ZFYVE28: variants seen among roughly 807,000 people sequenced by gnomAD.
ZFYVE28 encodes the protein zinc finger FYVE-type containing 28.
ZFYVE28 carries 40 observed loss-of-function variants against 82.1 expected under a neutral mutation model. That is an observed-to-expected ratio of 0.49 (90% confidence interval 0.38 to 0.63). The LOEUF is 0.63. Ranked by LOEUF, ZFYVE28 falls within the 30% of genes least tolerant of loss-of-function variation. The pLI, the probability that ZFYVE28 is intolerant of heterozygous loss-of-function variation, is 0.00. For missense variants in ZFYVE28, 1,321 were observed against 1,242.1 expected (o/e 1.06, Z -0.96); for synonymous variants, 612 against 546.1 (o/e 1.12, Z -1.68).
chr4:2,403,707 G>A (rs1305100459), intron 1 of ZFYVE28, among the ~76,000 whole-genome samples: 3 of 152,332 alleles, frequency 2.0e-5, no homozygotes, highest in Admixed American at 1.3e-4. Flanking sequence ...GCTCACGCCT[G>A]TAATCCCAGC....
intron 8 of ZFYVE28, 96 bp downstream of exon 8, chr4:2,304,179 GTGGCCAAGATGGCT>G: frequency 7.1e-7 from 1 of 1,399,770 alleles, no homozygotes; most frequent in Non-Finnish European, 9.5e-7. Flanking sequence ...GCACCTGCCG[GTGGCCAAGATGGCT>G]CAGGTAGAAA....
At chr4:2,414,791 C>A (rs1732867311) in intron 1 of ZFYVE28, among the ~76,000 whole-genome samples, 1 of 152,208 alleles carries the variant, frequency 6.6e-6, no homozygotes, top group Admixed American at 6.5e-5. Flanking sequence ...GAACTTCCAG[C>A]CAGGTCAATC....
At position 2,304,540 on chromosome 4, in the gene ZFYVE28, G is replaced by C. The variant is rs556516212; in HGVS notation, c.1800C>G (p.Ala600=). 2.0e-5 allele frequency: 33 copies of C among 1,612,760 alleles called. 5 individuals are homozygous for C. In the Middle Eastern group the frequency reaches 5.3e-3, roughly 258 times the overall value. The change falls in exon 8 of 13, where the codon GCC becomes GCG. Residue 600 remains alanine (A), a synonymous_variant. Coordinates refer to ENST00000290974, the MANE Select transcript of ZFYVE28 (RefSeq NM_020972.3). ...VIGASYAAGL[A]KASDRAPERQ... Reference sequence around the variant, plus strand: ...TCTCAGGGGCCCTGTCGCTGGCCTTGGCTAAGCCGGCAGCGTACGAGGCAC... The same window carrying C: ...TCTCAGGGGCCCTGTCGCTGGCCTTCGCTAAGCCGGCAGCGTACGAGGCAC...
intron 1 of ZFYVE28, among the ~76,000 whole-genome samples, chr4:2,410,299 G>A (rs1295202718): frequency 1.3e-5 from 2 of 151,970 alleles, no homozygotes; most frequent in East Asian, 3.9e-4. Flanking sequence ...CCTGGCAACC[G>A]CCGATCTGCT....
chr4:2,416,962 C>T lies in ZFYVE28; in HGVS notation c.39+1323G>A, dbSNP rs1578446466. Among the ~76,000 whole-genome samples the T allele has an allele frequency of 6.6e-6, 1 of 152,258 alleles. No individual in the cohort carries two copies. Among genetic ancestry groups the T allele is most frequent in the Non-Finnish European group, 1.5e-5 (1 of 68,044 alleles). ...GGCCCTGAGTGAGCCCTCAAACCTC[C>T]GTGCCGATCTTCCAAACCCACCTCC... On this transcript the variant is annotated intron_variant, in intron 1 of 12. Coordinates refer to ENST00000290974, the MANE Select transcript of ZFYVE28 (RefSeq NM_020972.3). The surrounding 1 kb of genome is among the most constrained non-coding windows in gnomAD (Gnocchi z 4.6).
chr4:2,343,757 C>A (rs1723140521), intron 2 of ZFYVE28, among the ~76,000 whole-genome samples: 2 of 152,016 alleles, frequency 1.3e-5, no homozygotes, highest in Admixed American at 1.3e-4. Context: ...TAGTGCTCAG[C>A]CCAGGTGGCA....
intron 8 of ZFYVE28, among the ~76,000 whole-genome samples, chr4:2,299,134 C>T (rs151119699): frequency 2.6e-5 from 4 of 152,348 alleles, no homozygotes; most frequent in East Asian, 1.9e-4. Flanking sequence ...AAGCCACCAA[C>T]AGACCAGACG....
At chr4:2,354,284 G>A (rs909849466) in intron 1 of ZFYVE28, among the ~76,000 whole-genome samples, 1 of 151,954 alleles carries the variant, frequency 6.6e-6, no homozygotes, top group Admixed American at 6.6e-5. Context: ...CTGATTCAAG[G>A]GTCCCCAGGG....
intron 1 of ZFYVE28, among the ~76,000 whole-genome samples, chr4:2,377,232 A>G (rs562396028): frequency 2.6e-4 from 39 of 152,262 alleles, no homozygotes; most frequent in South Asian, 8.3e-4. Context: ...CGTGTTAGCC[A>G]GGATGGTCTC....
chr4:2,281,061 C>G (rs1383467722), intron 8 of ZFYVE28, among the ~76,000 whole-genome samples: 2 of 152,234 alleles, frequency 1.3e-5, no homozygotes, highest in East Asian at 1.9e-4. Context: ...ACACCCTTCA[C>G]TTGCCACAGG....
At position 2,369,208 on chromosome 4, in the gene ZFYVE28, G is replaced by A. The variant is rs148526940; in HGVS notation, c.40-15135C>T. On this transcript the variant is annotated intron_variant, in intron 1 of 12. Transcript: ENST00000290974. ...CATCTGTGAGTCAAGGGTGTGGAACGCCGCACTCTGTGGACTGACCAGATC... is the reference window on the plus strand; with the variant it reads ...CATCTGTGAGTCAAGGGTGTGGAACACCGCACTCTGTGGACTGACCAGATC... 5.3e-5 allele frequency among the ~76,000 whole-genome samples: 8 copies of A among 152,282 alleles called. No homozygotes were observed. In the South Asian group the frequency reaches 8.3e-4, roughly 16 times the overall value.
Position 2,271,740 on chromosome 4 carries a change from G to A in ZFYVE28, c.2363C>T (p.Ala788Val), listed in dbSNP as rs926525632. The change falls in exon 11 of 13, where the codon GCA (alanine) becomes GTA (valine). Residue 788 changes from alanine to valine, a missense_variant. Physicochemically the swap from Ala to Val is moderately conservative, Grantham distance 64. This residue lies in a region of ZFYVE28 where 978 missense variants were observed against 833.7 expected (regional missense o/e 1.17). Transcript: ENST00000290974. Reference sequence around the variant, plus strand: ...GGATGACAGGGTCTCCTGGCACAGTGCACAGTCCTCCAAGGCCGCACTCCG... The same window carrying A: ...GGATGACAGGGTCTCCTGGCACAGTACACAGTCCTCCAAGGCCGCACTCCG... ...TLRSAALEDCALCQETLSSSE... is the reference protein window; with the variant it reads ...TLRSAALEDCVLCQETLSSSE... The A allele has an allele frequency of 1.2e-6, 2 of 1,613,776 alleles. No homozygotes were observed. Among genetic ancestry groups the A allele is most frequent in the Non-Finnish European group, 1.7e-6 (2 of 1,179,998 alleles).
rs781372714 is a variant in ZFYVE28, at chr4:2,354,010, C to T, written c.103G>A (p.Ala35Thr). The T allele has an allele frequency of 2.6e-5, 41 of 1,585,552 alleles. No homozygotes were observed. The highest frequency in any genetic ancestry group is 3.2e-5 in the Non-Finnish European group (37 of 1,166,206). Residue 35 changes from alanine (A) to threonine (T), a missense_variant, in exon 2 of 13, where the codon GCG (alanine) becomes ACG (threonine). By Grantham distance (58) the Ala-to-Thr change is moderately conservative. Around this residue, in one of 2 missense-constraint regions of ZFYVE28, gnomAD observed 343 missense variants for 408.4 expected, o/e 0.84. Transcript: ENST00000290974. ...YADEELNQVA[A>T]ELDSLDGRKD... The stretch of plus-strand genomic sequence containing the variant: ...CGCCCATCCAGGCTGTCCAGCTCCG[C>T]GGCCACCTGGTTCAGCTCCTCGTCG...
rs1342721831 is a variant in ZFYVE28 at position 2,300,854 on chromosome 4, G to A, written c.2051+3435C>T. 3.3e-5 allele frequency among the ~76,000 whole-genome samples: 5 copies of A among 152,206 alleles called. No individual in the cohort carries two copies. Among genetic ancestry groups the A allele is most frequent in the Non-Finnish European group, 5.9e-5 (4 of 68,034 alleles). ...CACGCCACAACCACAGGGGCTGCAG[G>A]GGCGTCTGCCGGGCGAGCGGGTCTC... On this transcript the variant is annotated intron_variant, in intron 8 of 12. Transcript: ENST00000290974. The surrounding 1 kb of genome is among the most constrained non-coding windows in gnomAD (Gnocchi z 4.6).
intron 1 of ZFYVE28, among the ~76,000 whole-genome samples, chr4:2,390,524 T>C (rs968483835): frequency 1.3e-5 from 2 of 152,220 alleles, no homozygotes; most frequent in Admixed American, 6.5e-5. Flanking sequence ...TTCCTGAAGC[T>C]GACAGAAGCT....
At chr4:2,312,682 G>A (rs1489567142) in intron 7 of ZFYVE28, among the ~76,000 whole-genome samples, 6 of 139,728 alleles carry the variant, frequency 4.3e-5, no homozygotes, top group Middle Eastern at 9.8e-3. Flanking sequence ...GAGCGAGATC[G>A]CGCCACTGCG....
chr4:2,369,331 C>A (rs1727243539), intron 1 of ZFYVE28, among the ~76,000 whole-genome samples: 2 of 152,186 alleles, frequency 1.3e-5, no homozygotes, highest in African/African-American at 4.8e-5. Flanking sequence ...AAGCCATGGG[C>A]AAGTGTGGAC....
intron 8 of ZFYVE28, among the ~76,000 whole-genome samples, chr4:2,289,927 G>C (rs1247374986): frequency 2.2e-5 from 1 of 44,452 alleles, no homozygotes; most frequent in Admixed American, 2.8e-4. Context: ...GGACAGCCAG[G>C]CTGTGGCCAG....
At position 2,305,469 on chromosome 4, in the gene ZFYVE28, C is replaced by T; in HGVS notation, c.871G>A (p.Asp291Asn). The T allele has an allele frequency of 9.3e-6, 15 of 1,612,992 alleles. No individual in the cohort carries two copies. The highest frequency in any genetic ancestry group is 1.3e-5 in the Non-Finnish European group (15 of 1,180,034). Residue 291 changes from aspartate to asparagine, a missense_variant, in exon 8 of 13, where the codon GAC (aspartate) becomes AAC (asparagine). By Grantham distance (23) the Asp-to-Asn change is conservative. Transcript: ENST00000290974. Reference protein sequence around the residue: ...TLERNLCISQDVEFPIRADVQ... With the variant: ...TLERNLCISQNVEFPIRADVQ... ...TCTGCGCGGATGGGGAACTCCACGT[C>T]TTGGGAAATGCAGAGGTTCCGTTCC... is the stretch of plus-strand genomic sequence containing the variant.
Sources: gnomAD v4.1 joint callset for allele counts (sites outside exome capture counted in the v4.1 genomes callset) on GRCh38, gnomAD v4.1.1 for gene constraint, gnomAD v4.1.1 regional missense constraint, Gnocchi (gnomAD v3.1) non-coding constraint, MANE v1.5 for transcripts, NCBI Gene and HGNC (gene_info 2026-07-23, HGNC 2026-07-21) for gene names.